The following NTNG1 variants were observed in gnomAD, a reference collection of about 807,000 sequenced individuals.
NTNG1 encodes the protein netrin G1, also known as netrin-G1.
A neutral mutation model predicts 54.0 loss-of-function variants in NTNG1; 16 were observed. That is an observed-to-expected ratio of 0.30 (90% confidence interval 0.20 to 0.45). The LOEUF (loss-of-function observed/expected upper bound fraction) is 0.45, where lower values mean the gene tolerates loss of function less well. Ranked by LOEUF, NTNG1 falls within the 20% of genes least tolerant of loss-of-function variation. NTNG1 has a pLI of 1.00. For synonymous variants in NTNG1, 255 were observed against 263.1 expected, an observed-to-expected ratio of 0.97 and a Z score of 0.30; for missense variants, 530 against 678.7, an observed-to-expected ratio of 0.78 and a Z score of 2.43.
At chr1:107,452,204 T>A (rs973747880) in intron 7 of NTNG1, among the ~76,000 whole-genome samples, 1 of 152,212 alleles carries the variant, frequency 6.6e-6, no homozygotes, top group Non-Finnish European at 1.5e-5. Flanking sequence ...TACTGTACTA[T>A]AATCAAGTGG....
chr1:107,438,725 C>T (rs1352243626), intron 7 of NTNG1, among the ~76,000 whole-genome samples: 3 of 152,102 alleles, frequency 2.0e-5, no homozygotes, highest in African/African-American at 7.2e-5. Context: ...TAAGTCAATC[C>T]TGCTTTGGGA....
chr1:107,353,012 G>A (rs1669719145), intron 3 of NTNG1, among the ~76,000 whole-genome samples: 1 of 152,200 alleles, frequency 6.6e-6, no homozygotes, highest in Admixed American at 6.5e-5. Context: ...TAGGTTTTTG[G>A]GCCTCAGATG....
intron 2 of NTNG1, among the ~76,000 whole-genome samples, chr1:107,188,156 A>G (rs1440414999): frequency 6.6e-6 from 1 of 152,028 alleles, no homozygotes; most frequent in African/African-American, 2.4e-5. Flanking sequence ...TTTTTTTTAA[A>G]TCAACAGTTC....
At position 107,480,783 on chromosome 1, in the gene NTNG1, C is replaced by T. The variant is rs549268470; in HGVS notation, c.1563C>T (p.Ser521=). 1.7e-4 allele frequency: 275 copies of T among 1,598,194 alleles called. 2 individuals carry two copies. In the South Asian group the frequency reaches 3.0e-3, roughly 17 times the overall value. Residue 521 remains serine, a synonymous_variant, in exon 8 of 8, where the codon TCC becomes TCT. Transcript: ENST00000370068. ...DSGQGAPPHG[S]PALLLLTTLL... is the part of the protein sequence containing the mutation. ...GCCAGGGCGCGCCCCCGCACGGCTC[C>T]CCAGCGCTGCTGCTGCTGACCACGC...
intron 3 of NTNG1, chr1:107,334,153 T>C (rs1200622582): frequency 6.6e-6 from 1 of 150,862 alleles, no homozygotes; most frequent in East Asian, 1.9e-4. Context: ...TAATATATTC[T>C]TTTTTTTTCA....
intron 2 of NTNG1, among the ~76,000 whole-genome samples, chr1:107,168,648 T>C (rs527487534): frequency 6.6e-6 from 1 of 152,234 alleles, no homozygotes; most frequent in Non-Finnish European, 1.5e-5. Flanking sequence ...TGGATAAACA[T>C]AGGAATAAGC....
At chr1:107,306,476 C>T (rs761694637) in intron 2 of NTNG1, among the ~76,000 whole-genome samples, 3 of 152,136 alleles carry the variant, frequency 2.0e-5, no homozygotes, top group Non-Finnish European at 2.9e-5. Flanking sequence ...GGAGGCCAGG[C>T]GTGGCAGCTC....
chr1:107,223,466 G>C (rs1660482168), intron 2 of NTNG1, among the ~76,000 whole-genome samples: 1 of 152,094 alleles, frequency 6.6e-6, no homozygotes, highest in Non-Finnish European at 1.5e-5. Flanking sequence ...GAAGAGGTTA[G>C]GAAGAGGGCA....
intron 2 of NTNG1, among the ~76,000 whole-genome samples, chr1:107,167,755 G>A (rs1228577100): frequency 7.9e-5 from 12 of 151,934 alleles, no homozygotes; most frequent in South Asian, 2.1e-4. Flanking sequence ...GAATGAAAGC[G>A]TGAGTAGATT....
intron 5 of NTNG1, chr1:107,418,633 A>G: frequency 6.3e-7 from 1 of 1,598,336 alleles, no homozygotes; most frequent in Non-Finnish European, 8.5e-7. Context: ...TGAGGTTTCT[A>G]ACCCAAAACA....
intron 6 of NTNG1, among the ~76,000 whole-genome samples, chr1:107,435,829 C>T (rs1675561426): frequency 6.6e-6 from 1 of 152,112 alleles, no homozygotes; most frequent in African/African-American, 2.4e-5. Flanking sequence ...CAGCTACCTG[C>T]ACTATCTTTC....
Position 107,460,479 on chromosome 1 carries a change from G to A in NTNG1, c.1391-20132G>A, listed in dbSNP as rs181827604. Reference sequence around the variant, plus strand: ...AGAAATCCAATAGTTTTCTATTTAGGAAATGAAATTATTTCCTCTATGGCC... The same window carrying A: ...AGAAATCCAATAGTTTTCTATTTAGAAAATGAAATTATTTCCTCTATGGCC... On this transcript the variant is annotated intron_variant, in intron 7 of 7. Coordinates refer to ENST00000370068, the MANE Select transcript of NTNG1 (RefSeq NM_001113226.3). The A allele has an allele frequency of 6.0e-3, 3,050 of 509,656 alleles. 20 individuals are homozygous for A. Among genetic ancestry groups the A allele is most frequent in the Middle Eastern group, 8.3e-3 (26 of 3,138 alleles). 31.6% of individuals were successfully genotyped at this position (509,656 alleles called of 1,614,324 possible).
intron 3 of NTNG1, among the ~76,000 whole-genome samples, chr1:107,352,019 AC>A (rs1669646155): frequency 6.6e-6 from 1 of 152,248 alleles, no homozygotes; most frequent in African/African-American, 2.4e-5. Context: ...CATCCAGGGC[AC>A]AGTGGTGCAA....
At chr1:107,475,672 A>G (rs1051013774) in intron 7 of NTNG1, among the ~76,000 whole-genome samples, 2 of 152,264 alleles carry the variant, frequency 1.3e-5, no homozygotes, top group East Asian at 3.9e-4. Context: ...CCTTCCCCAA[A>G]ATATATCAGG....
At chr1:107,314,437 AAATAAAT>A (rs1434084637) in intron 2 of NTNG1, among the ~76,000 whole-genome samples, 4 of 147,286 alleles carry the variant, frequency 2.7e-5, no homozygotes, top group African/African-American at 1.1e-4. Context: ...ATAAATAAAT[AAATAAAT>A]AAAAATGAGA....
chr1:107,209,967 T>C (rs957003922), intron 2 of NTNG1, among the ~76,000 whole-genome samples: 2 of 152,062 alleles, frequency 1.3e-5, no homozygotes, highest in African/African-American at 4.8e-5. Context: ...GGTTCAGGAT[T>C]GCAACTAAAA....
chr1:107,376,194 G>A (rs1048171737), intron 3 of NTNG1, among the ~76,000 whole-genome samples: 4 of 152,086 alleles, frequency 2.6e-5, no homozygotes, highest in Non-Finnish European at 5.9e-5. Flanking sequence ...GCAGAGGTGG[G>A]CGGATCATGA....
chr1:107,368,393 A>C (rs1292198401), intron 3 of NTNG1, among the ~76,000 whole-genome samples: 1 of 151,982 alleles, frequency 6.6e-6, no homozygotes, highest in African/African-American at 2.4e-5. Context: ...TTGCATAATG[A>C]TCTTGTGTGG....
intron 3 of NTNG1, among the ~76,000 whole-genome samples, chr1:107,373,490 CT>C (rs1368836466): frequency 6.6e-6 from 1 of 151,418 alleles, no homozygotes; most frequent in Non-Finnish European, 1.5e-5. Flanking sequence ...CAGATAAAAA[CT>C]TACATATTTA....
Sources: allele counts gnomAD v4.1 joint callset (sites outside exome capture counted in the v4.1 genomes callset), GRCh38; gene constraint gnomAD v4.1.1; transcripts MANE v1.5; gene names NCBI Gene and HGNC (gene_info 2026-07-23, HGNC 2026-07-21).